The following PPP5C variants were observed in gnomAD, a reference collection of about 807,000 sequenced individuals.
The protein encoded by PPP5C is protein phosphatase 5 catalytic subunit, also known as serine/threonine-protein phosphatase 5.
PPP5C carries 21 observed loss-of-function variants against 66.7 expected under a neutral mutation model. The observed-to-expected ratio is 0.31, with a 90% CI of 0.22 to 0.45. PPP5C has a LOEUF of 0.45. Among genes scored for constraint, PPP5C ranks in the 20% least tolerant of loss-of-function variants. The pLI is 1.00. For synonymous variants in PPP5C, 246 were observed against 257.4 expected, an observed-to-expected ratio of 0.96 and a Z score of 0.43; for missense variants, 464 against 675.9, an observed-to-expected ratio of 0.69 and a Z score of 3.48.
Position 46,383,488 on chromosome 19 carries a change from G to A in PPP5C, c.699+12G>A, listed in dbSNP as rs1422457663. 1.9e-6 allele frequency: 3 copies of A among 1,595,742 alleles called. No individual in the cohort carries two copies. The highest frequency in any genetic ancestry group is 1.7e-4 in the Middle Eastern group (1 of 6,044). ...CCACACTCAAAGAGGTGCGCGTTGT[G>A]GGGCAGTGCGGGGAGGGCCAGCGGG... On this transcript the variant is annotated intron_variant, in intron 5 of 12. Coordinates refer to ENST00000012443, the MANE Select transcript of PPP5C (RefSeq NM_006247.4). This position sits in a 1 kb window ranked among gnomAD's most constrained non-coding sequence, Gnocchi z 5.0.
chr19:46,390,207 C>T (rs182575923), intron 12 of PPP5C, 75 bp downstream of exon 12: 31 of 1,607,228 alleles, frequency 1.9e-5, no homozygotes, highest in Admixed American at 1.2e-4. Flanking sequence ...TGGTAAGGGG[C>T]AGGGGTAGGT....
chr19:46,388,587 G>A lies in PPP5C; in HGVS notation c.1211G>A (p.Cys404Tyr). Residue 404 changes from cysteine to tyrosine, a missense_variant, in exon 11 of 13, where the codon TGT (cysteine) becomes TAT (tyrosine). Coordinates refer to ENST00000012443, the MANE Select transcript of PPP5C (RefSeq NM_006247.4). This position sits in a 1 kb window ranked among gnomAD's most constrained non-coding sequence, Gnocchi z 4.9. The part of the protein sequence containing the change: ...GRSISKRGVS[C>Y]QFGPDVTKAF... ...TCGATCAGCAAGCGGGGCGTGAGCT[G>A]TCAGTTTGGGCCTGACGTCACCAAG... is the stretch of plus-strand genomic sequence containing the variant. The A allele has an allele frequency of 6.2e-7, 1 of 1,614,156 alleles. No individual in the cohort carries two copies. The highest frequency in any genetic ancestry group is 8.5e-7 in the Non-Finnish European group (1 of 1,180,016).
chr19:46,373,910 G>A (rs1420541054), intron 2 of PPP5C, among the ~76,000 whole-genome samples: 2 of 152,192 alleles, frequency 1.3e-5, no homozygotes, highest in African/African-American at 4.8e-5. Context: ...TCTGGGCAGA[G>A]GCAGCCTGCA....
At chr19:46,361,995 C>T (rs1601420188) in intron 2 of PPP5C, among the ~76,000 whole-genome samples, 2 of 151,992 alleles carry the variant, frequency 1.3e-5, no homozygotes, top group African/African-American at 4.8e-5. Flanking sequence ...TTCAGTTTAT[C>T]TCATTTTTTC....
Position 46,376,624 on chromosome 19 carries a change from A to C in PPP5C, c.633+50A>C. The stretch of plus-strand genomic sequence containing the variant: ...CACCCGGGAACCCTGGGATGGCATC[A>C]CAGCACTGCCAGCCGCGGGCACTGA... On this transcript the variant is annotated intron_variant, in intron 4 of 12. Coordinates refer to ENST00000012443, the MANE Select transcript of PPP5C (RefSeq NM_006247.4). The surrounding 1 kb of genome is among the most constrained non-coding windows in gnomAD (Gnocchi z 5.1). The C allele has an allele frequency of 6.3e-7, 1 of 1,599,376 alleles. No individual in the cohort carries two copies. The highest frequency in any genetic ancestry group is 8.5e-7 in the Non-Finnish European group (1 of 1,171,984).
At chr19:46,387,963 A>AG (rs1322528592) in intron 9 of PPP5C, 1 of 276,726 alleles carries the variant, frequency 3.6e-6, no homozygotes, top group African/African-American at 2.1e-5. Context: ...AGGCTTGAGG[A>AG]GGGGTCCTAA....
Position 46,388,841 on chromosome 19 carries a change from T to A in PPP5C, c.1355+110T>A. On this transcript the variant is annotated intron_variant, in intron 11 of 12. Coordinates refer to ENST00000012443, the MANE Select transcript of PPP5C (RefSeq NM_006247.4). This position sits in a 1 kb window ranked among gnomAD's most constrained non-coding sequence, Gnocchi z 4.9. Reference sequence around the variant, plus strand: ...CATTTCAAAGACAGGCAAGAGCAGATAAAAGAACATGACGAACACCCCCGT... The same window carrying A: ...CATTTCAAAGACAGGCAAGAGCAGAAAAAAGAACATGACGAACACCCCCGT... 7.2e-7 allele frequency: 1 copy of A among 1,394,154 alleles called. No homozygotes were observed. The highest frequency in any genetic ancestry group is 9.8e-7 in the Non-Finnish European group (1 of 1,020,704). 86.4% of individuals were successfully genotyped at this position (1,394,154 alleles called of 1,614,324 possible).
At chr19:46,381,720 G>A (rs1049192230) in intron 4 of PPP5C, 1 of 152,262 alleles carries the variant, frequency 6.6e-6, no homozygotes, top group Admixed American at 6.5e-5. Context: ...CTGCACTCCA[G>A]CCTGGGTGAC....
intron 11 of PPP5C, among the ~76,000 whole-genome samples, chr19:46,389,838 T>G (rs1289535667): frequency 6.6e-6 from 1 of 151,106 alleles, no homozygotes; most frequent in African/African-American, 2.4e-5. Context: ...CTTCCTGCAC[T>G]CCCACCCTCT....
chr19:46,365,088 C>G lies in PPP5C; in HGVS notation c.364-10516C>G, dbSNP rs1024525387. Among the ~76,000 whole-genome samples, 15 of 152,284 alleles carry G rather than the reference C, an allele frequency of 9.9e-5. 1 individual carries two copies. In the East Asian group the frequency reaches 2.9e-3, roughly 29 times the overall value. On this transcript the variant is annotated intron_variant, in intron 2 of 12. Coordinates refer to ENST00000012443, the MANE Select transcript of PPP5C (RefSeq NM_006247.4). Reference sequence around the variant, plus strand: ...ACCTCCGCCTCCTGGGTTCAAGCAACTCTCTTGCCTCGGTCTCCCAAGTAG... The same window carrying G: ...ACCTCCGCCTCCTGGGTTCAAGCAAGTCTCTTGCCTCGGTCTCCCAAGTAG...
At chr19:46,368,247 A>T (rs1442007409) in intron 2 of PPP5C, among the ~76,000 whole-genome samples, 1 of 152,210 alleles carries the variant, frequency 6.6e-6, no homozygotes, top group Non-Finnish European at 1.5e-5. Flanking sequence ...GGAGAATGGC[A>T]GGGGATTATC....
intron 2 of PPP5C, among the ~76,000 whole-genome samples, chr19:46,354,305 G>T (rs1221408538): frequency 6.6e-6 from 1 of 151,964 alleles, no homozygotes; most frequent in Non-Finnish European, 1.5e-5. Flanking sequence ...CACACGAGTA[G>T]ACCAGTACTT....
intron 2 of PPP5C, among the ~76,000 whole-genome samples, chr19:46,369,631 CAA>C (rs34783979): frequency 1.1e-4 from 13 of 119,084 alleles, no homozygotes; most frequent in Non-Finnish European, 8.8e-5. Context: ...GACTCTGTCT[CAA>C]AAAAAAAAAA....
chr19:46,347,131 C>A lies in PPP5C; in HGVS notation c.35C>A (p.Ala12Asp). The A allele has an allele frequency of 6.2e-7, 1 of 1,604,988 alleles. No individual in the cohort carries two copies. The highest frequency in any genetic ancestry group is 8.5e-7 in the Non-Finnish European group (1 of 1,176,124). Reference sequence around the variant, plus strand: ...GCGGAGGGCGAGAGGACTGAGTGTGCTGAGCCCCCCCGGGACGAACCCCCG... The same window carrying A: ...GCGGAGGGCGAGAGGACTGAGTGTGATGAGCCCCCCCGGGACGAACCCCCG... ...AMAEGERTECAEPPRDEPPAD... is the reference protein window; with the variant it reads ...AMAEGERTECDEPPRDEPPAD... The change falls in exon 1 of 13, where the codon GCT (alanine) becomes GAT (aspartate). Residue 12 changes from alanine to aspartate, a missense_variant. Physicochemically the swap from Ala to Asp is moderately radical, Grantham distance 126. Transcript: ENST00000012443.
At chr19:46,374,188 C>G (rs1972649991) in intron 2 of PPP5C, among the ~76,000 whole-genome samples, 1 of 152,180 alleles carries the variant, frequency 6.6e-6, no homozygotes, top group Non-Finnish European at 1.5e-5. Context: ...CCTGCTGGGC[C>G]TGGGCTCTTC....
At chr19:46,387,624 G>A in intron 9 of PPP5C, 171 bp downstream of exon 9, 2 of 1,528,256 alleles carry the variant, frequency 1.3e-6, no homozygotes, top group Non-Finnish European at 1.8e-6. Context: ...CTCCTTCATG[G>A]GGCTGTGATG....
chr19:46,367,937 G>A (rs1461959690), intron 2 of PPP5C, among the ~76,000 whole-genome samples: 1 of 152,132 alleles, frequency 6.6e-6, no homozygotes, highest in Non-Finnish European at 1.5e-5. Context: ...GACCCCTCCT[G>A]TGGTCATTTC....
chr19:46,358,608 T>G (rs1972327723), intron 2 of PPP5C, among the ~76,000 whole-genome samples: 1 of 152,290 alleles, frequency 6.6e-6, no homozygotes, highest in East Asian at 1.9e-4. Flanking sequence ...TTAATATAAG[T>G]AGAGATTTTA....
chr19:46,371,917 G>A (rs1289560651), intron 2 of PPP5C, among the ~76,000 whole-genome samples: 1 of 152,106 alleles, frequency 6.6e-6, no homozygotes, highest in East Asian at 1.9e-4. Context: ...ACTCCATGTG[G>A]GATCTTGATG....
Sources: gnomAD v4.1 joint callset for allele counts (sites outside exome capture counted in the v4.1 genomes callset) on GRCh38, gnomAD v4.1.1 for gene constraint, Gnocchi (gnomAD v3.1) non-coding constraint, MANE v1.5 for transcripts, NCBI Gene and HGNC (gene_info 2026-07-23, HGNC 2026-07-21) for gene names.